Variants in DDX19A observed in about 807,000 individuals in gnomAD.
DDX19A encodes the protein DEAD-box helicase 19A.
Under a neutral mutation model 60.6 loss-of-function variants are expected in DDX19A, and 12 were observed. That is an observed-to-expected ratio of 0.20 (90% CI 0.13 to 0.32). The LOEUF (loss-of-function observed/expected upper bound fraction) is 0.32, where lower values mean the gene tolerates loss of function less well. DDX19A is among the 10% of genes least tolerant of loss of function. The probability of loss-of-function intolerance (pLI) is 1.00; values close to 1 mark genes in which losing one functional copy is unlikely to be tolerated. For missense variants in DDX19A, 337 were observed against 600.6 expected (o/e 0.56, Z 4.59); for synonymous variants, 206 against 218.2 (o/e 0.94, Z 0.49).
chr16:70,357,537 C>G (rs1964250968), intron 4 of DDX19A, among the ~76,000 whole-genome samples: 1 of 151,290 alleles, frequency 6.6e-6, no homozygotes, highest in African/African-American at 2.4e-5. Flanking sequence ...AGGCGTGTGC[C>G]ACAACACCCA....
chr16:70,362,871 G>A (rs1000324493), intron 5 of DDX19A, among the ~76,000 whole-genome samples: 4 of 151,464 alleles, frequency 2.6e-5, no homozygotes, highest in Non-Finnish European at 5.9e-5. Flanking sequence ...AAAATTAGCC[G>A]GGCTTGGTGG....
intron 3 of DDX19A, 123 bp from the exon 4 acceptor site, chr16:70,355,989 T>C: frequency 8.1e-7 from 1 of 1,236,468 alleles, no homozygotes; most frequent in South Asian, 1.4e-5. Flanking sequence ...CCTATCAGTG[T>C]GATGGTTTTT....
chr16:70,371,374 A>G lies in DDX19A; in HGVS notation c.1186A>G (p.Ile396Val), dbSNP rs771180253. 2 of 1,612,968 alleles carry G rather than the reference A, an allele frequency of 1.2e-6. No homozygotes were observed. Among genetic ancestry groups the G allele is most frequent in the East Asian group, 2.2e-5 (1 of 44,880 alleles). ...LVTTNVCARG[I>V]DVEQVSVVIN... The stretch of plus-strand genomic sequence containing the variant: ...GCCTCCAACTCTCCTTCCTGCAGGC[A>G]TTGATGTTGAACAAGTGTCTGTCGT... Residue 396 changes from isoleucine to valine, a missense_variant and splice_region_variant, in exon 11 of 12, where the codon ATT becomes GTT. Coordinates refer to ENST00000302243, the MANE Select transcript of DDX19A (RefSeq NM_018332.5).
At chr16:70,357,292 T>A (rs1964229998) in intron 4 of DDX19A, among the ~76,000 whole-genome samples, 1 of 146,352 alleles carries the variant, frequency 6.8e-6, no homozygotes, top group African/African-American at 2.5e-5. Context: ...TATATATGTA[T>A]ATTTAGACTA....
At chr16:70,371,793 C>G (rs1306212906) in intron 11 of DDX19A, 132 bp from the exon 12 acceptor site, 1 of 1,385,018 alleles carries the variant, frequency 7.2e-7, no homozygotes, top group Admixed American at 1.9e-5. Flanking sequence ...CTGACTGTTG[C>G]TGTCAGTGAC....
rs1491512860 is a variant in DDX19A, at chr16:70,372,751, TCA to T, written c.*766_*767del. The T allele has an allele frequency of 6.6e-6, 1 of 152,356 alleles. No individual in the cohort carries two copies. The highest frequency in any genetic ancestry group is 1.5e-5 in the Non-Finnish European group (1 of 68,170). 9.4% of individuals were successfully genotyped at this position (152,356 alleles called of 1,614,324 possible). On this transcript the variant is annotated 3_prime_UTR_variant, in exon 12 of 12. Coordinates refer to ENST00000302243, the MANE Select transcript of DDX19A (RefSeq NM_018332.5). ...CTCCCTCTGCCTAGGCCCCTGGTACTCAGTCACGGCAGCCAGGAGACCCCAGG... is the reference window on the plus strand; with the variant it reads ...CTCCCTCTGCCTAGGCCCCTGGTACTGTCACGGCAGCCAGGAGACCCCAGG...
intron 2 of DDX19A, among the ~76,000 whole-genome samples, chr16:70,352,688 G>A (rs1964059488): frequency 6.9e-6 from 1 of 145,948 alleles, no homozygotes; most frequent in Non-Finnish European, 1.5e-5. Flanking sequence ...CCAGGCTGGA[G>A]TGCAATGATG....
intron 4 of DDX19A, among the ~76,000 whole-genome samples, chr16:70,359,254 T>A (rs528989673): frequency 6.6e-6 from 1 of 152,352 alleles, no homozygotes; most frequent in East Asian, 1.9e-4. Context: ...AGGTAGTGAC[T>A]TTGTTTCCTT....
At chr16:70,347,197 T>C in intron 1 of DDX19A, 149 bp downstream of exon 1, 2 of 770,010 alleles carry the variant, frequency 2.6e-6, no homozygotes, top group Non-Finnish European at 4.4e-6. Flanking sequence ...GATTTGCTCT[T>C]AGAGCTAAAG....
chr16:70,371,292 C>A, intron 10 of DDX19A, 80 bp from the exon 11 acceptor site: 4 of 1,612,492 alleles, frequency 2.5e-6, no homozygotes, highest in African/African-American at 1.3e-5. Flanking sequence ...AAAGTTGGTA[C>A]GCATTGACCT....
intron 3 of DDX19A, 171 bp from the exon 4 acceptor site, chr16:70,355,941 G>T: frequency 1.2e-6 from 1 of 818,556 alleles, no homozygotes; most frequent in Non-Finnish European, 1.9e-6. Flanking sequence ...CAGCCTGGGT[G>T]ACAGCAAGAC....
Position 70,365,004 on chromosome 16 carries a change from A to AT in DDX19A, c.490-8dup. 6.2e-7 allele frequency: 1 copy of AT among 1,610,072 alleles called. No homozygotes were observed. The highest frequency in any genetic ancestry group is 1.7e-5 in the Admixed American group (1 of 59,844). On this transcript the variant is annotated splice_polypyrimidine_tract_variant and intron_variant, in intron 6 of 11. Coordinates refer to ENST00000302243, the MANE Select transcript of DDX19A (RefSeq NM_018332.5). ...GGCTCTCCTAAACTCATCCTTTATGATTTTTCTGTCAGTGTCTGTGCCTCT... is the reference window on the plus strand; with the variant it reads ...GGCTCTCCTAAACTCATCCTTTATGATTTTTTCTGTCAGTGTCTGTGCCTCT...
At chr16:70,367,695 T>C (rs1208443305) in intron 9 of DDX19A, among the ~76,000 whole-genome samples, 1 of 151,612 alleles carries the variant, frequency 6.6e-6, no homozygotes, top group Non-Finnish European at 1.5e-5. Context: ...CTGACCAACA[T>C]GGAGAAACCT....
chr16:70,364,222 T>G (rs1428177606), intron 5 of DDX19A: 1 of 221,506 alleles, frequency 4.5e-6, no homozygotes, highest in Non-Finnish European at 9.0e-6. Context: ...TGGGGTCTTG[T>G]CTGGGCACAG....
chr16:70,357,639 C>T (rs943133282), intron 4 of DDX19A, among the ~76,000 whole-genome samples: 5 of 151,852 alleles, frequency 3.3e-5, no homozygotes, highest in Non-Finnish European at 7.4e-5. Flanking sequence ...CCGCCTCGGC[C>T]TCCCAAAGTG....
intron 2 of DDX19A, among the ~76,000 whole-genome samples, chr16:70,353,327 C>T (rs1050960272): frequency 2.0e-5 from 3 of 151,996 alleles, no homozygotes; most frequent in African/African-American, 7.2e-5. Context: ...ATTACCCAGA[C>T]TGCTCTTGAA....
chr16:70,362,187 CTA>C (rs1247478856), intron 5 of DDX19A, among the ~76,000 whole-genome samples: 1 of 111,820 alleles, frequency 8.9e-6, no homozygotes, highest in African/African-American at 3.3e-5. Context: ...AAAAAAAAAA[CTA>C]AACTAAAAAT....
At position 70,371,454 on chromosome 16, in the gene DDX19A, C is replaced by T; in HGVS notation, c.1266C>T (p.Tyr422=). The change falls in exon 11 of 12, where the codon TAC becomes TAT. Residue 422 remains tyrosine, a synonymous_variant. Transcript: ENST00000302243. Reference sequence around the variant, plus strand: ...ACGGGAATCCTGACAATGAGACCTACCTGCACCGGATCGGGCGCACGGGCC... The same window carrying T: ...ACGGGAATCCTGACAATGAGACCTATCTGCACCGGATCGGGCGCACGGGCC... The part of the protein sequence containing the change: ...DKDGNPDNET[Y]LHRIGRTGRF... 1.2e-6 allele frequency: 2 copies of T among 1,612,474 alleles called. No individual in the cohort carries two copies. Among genetic ancestry groups the T allele is most frequent in the East Asian group, 4.5e-5 (2 of 44,858 alleles).
chr16:70,350,004 A>T (rs1963964272), intron 1 of DDX19A, among the ~76,000 whole-genome samples: 2 of 152,196 alleles, frequency 1.3e-5, no homozygotes, highest in South Asian at 4.1e-4. Flanking sequence ...AACCAATGAA[A>T]GTGACAGAAG....
Sources: allele counts gnomAD v4.1 joint callset (sites outside exome capture counted in the v4.1 genomes callset), GRCh38; gene constraint gnomAD v4.1.1; transcripts MANE v1.5; gene names NCBI Gene and HGNC (gene_info 2026-07-23, HGNC 2026-07-21).